The following PCCA variants were observed in gnomAD, a reference collection of about 807,000 sequenced individuals.
PCCA encodes the protein propionyl-CoA carboxylase subunit alpha.
PCCA carries 74 observed loss-of-function variants against 101.3 expected under a neutral mutation model. The ratio of observed to expected loss-of-function variants is 0.73; its 90% CI spans 0.61 to 0.89. The LOEUF is 0.89. PCCA is among the 40% of genes least tolerant of loss of function. PCCA has a pLI of 0.00. For synonymous variants in PCCA, 294 were observed against 313.6 expected, an observed-to-expected ratio of 0.94 and a Z score of 0.66; for missense variants, 891 against 907.0, an observed-to-expected ratio of 0.98 and a Z score of 0.23.
intron 8 of PCCA, among the ~76,000 whole-genome samples, chr13:100,244,477 C>T (rs1566784045): frequency 6.6e-6 from 1 of 152,142 alleles, no homozygotes; most frequent in Non-Finnish European, 1.5e-5. Flanking sequence ...CTCAGTCCTT[C>T]ATCTTCTTTC....
chr13:100,360,842 C>T (rs1211321626), intron 18 of PCCA, among the ~76,000 whole-genome samples: 1 of 152,148 alleles, frequency 6.6e-6, no homozygotes, highest in Non-Finnish European at 1.5e-5. Flanking sequence ...TAGGCACACA[C>T]TAAAACCTGC....
chr13:100,365,392 G>C lies in PCCA; in HGVS notation c.1644-3080G>C, dbSNP rs143150700. On this transcript the variant is annotated intron_variant, in intron 18 of 23. Coordinates refer to ENST00000376285, the MANE Select transcript of PCCA (RefSeq NM_000282.4). ...ACTGTATCTCATCACCATCTATAAG[G>C]TCCCTTTCTGTGGGAAAATGGGTTC... Among the ~76,000 whole-genome samples, 7 of 152,248 alleles carry C rather than the reference G, an allele frequency of 4.6e-5. No homozygotes were observed. The East Asian group carries it at 1.4e-3, about 29-fold the overall frequency.
intron 6 of PCCA, among the ~76,000 whole-genome samples, chr13:100,206,924 A>G (rs1227943384): frequency 6.6e-6 from 1 of 152,158 alleles, no homozygotes; most frequent in Admixed American, 6.5e-5. Context: ...CCCCCAGTTT[A>G]TGATACTTAC....
chr13:100,200,862 A>G (rs1566691425), intron 6 of PCCA, among the ~76,000 whole-genome samples: 3 of 152,100 alleles, frequency 2.0e-5, no homozygotes, highest in Non-Finnish European at 4.4e-5. Flanking sequence ...AGACAAAACA[A>G]CTCCTGTGTT....
At position 100,386,382 on chromosome 13, in the gene PCCA, C is replaced by CT. The variant is rs200143037; in HGVS notation, c.1746+17817dup. On this transcript the variant is annotated intron_variant, in intron 19 of 23. Transcript: ENST00000376285. ...GAGAGTGTCTTCTATGTGCTGCTTT[C>CT]TTTTTTTTTAAGACGGAATCTCGCT... is the stretch of plus-strand genomic sequence containing the variant. Among the ~76,000 whole-genome samples the CT allele has an allele frequency of 3.9e-3, 597 of 151,336 alleles. 9 individuals are homozygous for CT. The highest frequency in any genetic ancestry group is 0.032 in the South Asian group (154 of 4,780).
At chr13:100,209,559 TAC>T (rs34598548) in intron 7 of PCCA, 96 bp downstream of exon 7, 18,415 of 737,360 alleles carry the variant, frequency 0.025, 12 homozygotes, top group Non-Finnish European at 0.031. Context: ...TTTTGGGATA[TAC>T]ACACACACAC....
chr13:100,309,745 T>A (rs181511046), intron 15 of PCCA, 88 bp from the exon 16 acceptor site: 2 of 843,638 alleles, frequency 2.4e-6, no homozygotes, highest in East Asian at 2.7e-5. Flanking sequence ...AAATCTGTTA[T>A]GAAATATTTT....
rs1566516768 is a variant in PCCA, at chr13:100,527,426, GCCAGGGTCCCCACTTCT to G, written c.2041-240_2041-224del. ...AGAGATCCCCAGGGTAGGCCCCGCC[GCCAGGGTCCCCACTTCT>G]CCAGGGTCAGGGATTTTTTTTTTTT... On this transcript the variant is annotated intron_variant, in intron 22 of 23. Transcript: ENST00000376285. The G allele has an allele frequency of 9.0e-6, 5 of 553,312 alleles. No individual in the cohort carries two copies. The East Asian group carries it at 2.0e-4, about 22-fold the overall frequency. 34.3% of individuals were successfully genotyped at this position (553,312 alleles called of 1,614,324 possible).
chr13:100,524,407 G>GTGTGTGTGTGTC (rs2087567028), intron 22 of PCCA, among the ~76,000 whole-genome samples: 1 of 151,620 alleles, frequency 6.6e-6, no homozygotes, highest in Non-Finnish European at 1.5e-5. Flanking sequence ...GTGTGTGTGT[G>GTGTGTGTGTGTC]TGTGTTGGGG....
intron 21 of PCCA, among the ~76,000 whole-genome samples, chr13:100,499,471 C>T (rs1366085301): frequency 2.0e-5 from 3 of 152,228 alleles, no homozygotes; most frequent in South Asian, 4.1e-4. Flanking sequence ...CCTTCTAGCC[C>T]ACATGGCTCT....
chr13:100,290,083 C>G (rs1168267478), intron 12 of PCCA, among the ~76,000 whole-genome samples: 2 of 152,192 alleles, frequency 1.3e-5, no homozygotes, highest in Admixed American at 6.5e-5. Context: ...TCTTGTCTTT[C>G]AGGAGCATAT....
chr13:100,388,473 A>G (rs1398328236), intron 19 of PCCA, among the ~76,000 whole-genome samples: 1 of 152,166 alleles, frequency 6.6e-6, no homozygotes, highest in Non-Finnish European at 1.5e-5. Context: ...CAAAACAAAC[A>G]AACAAAAAAT....
At chr13:100,428,172 T>C (rs548948014) in intron 20 of PCCA, among the ~76,000 whole-genome samples, 1 of 152,116 alleles carries the variant, frequency 6.6e-6, no homozygotes, top group East Asian at 1.9e-4. Context: ...GCTCCAGCGA[T>C]CCTCCCACCT....
chr13:100,105,294 A>G (rs1357441317), intron 2 of PCCA, among the ~76,000 whole-genome samples: 5 of 152,192 alleles, frequency 3.3e-5, no homozygotes, highest in Non-Finnish European at 7.3e-5. Context: ...ACTCCCTGTT[A>G]TGAAAGCTGT....
chr13:100,458,568 A>G (rs1402030376), intron 21 of PCCA, among the ~76,000 whole-genome samples: 1 of 152,060 alleles, frequency 6.6e-6, no homozygotes, highest in South Asian at 2.1e-4. Context: ...CCAAGAGTTC[A>G]AGGCTATAGT....
chr13:100,158,567 AT>A (rs1184922077), intron 6 of PCCA, among the ~76,000 whole-genome samples: 1 of 151,974 alleles, frequency 6.6e-6, no homozygotes, highest in Non-Finnish European at 1.5e-5. Flanking sequence ...ATCCCTTTTT[AT>A]TTTTTATCTT....
In PCCA at chr13:100,234,697, C is replaced by A. The variant is rs533375671; in HGVS notation, c.601-1145C>A. Among the ~76,000 whole-genome samples, 69 of 151,352 alleles carry A rather than the reference C, an allele frequency of 4.6e-4. 1 individual carries two copies. Among genetic ancestry groups the A allele is most frequent in the Non-Finnish European group, 4.3e-4 (29 of 67,816 alleles). ...AGTGAACCAGTTATAAACATCCCCC[C>A]CCGCCCCCTTCTCGGAGGATTCTGA... On this transcript the variant is annotated intron_variant, in intron 7 of 23. Transcript: ENST00000376285.
intron 7 of PCCA, among the ~76,000 whole-genome samples, chr13:100,233,645 A>G (rs929688482): frequency 6.6e-6 from 1 of 152,166 alleles, no homozygotes; most frequent in Non-Finnish European, 1.5e-5. Context: ...TTATTATTGA[A>G]ACAGTAATAG....
chr13:100,238,086 A>G (rs932786687), intron 8 of PCCA, among the ~76,000 whole-genome samples: 1 of 151,634 alleles, frequency 6.6e-6, no homozygotes, highest in Non-Finnish European at 1.5e-5. Flanking sequence ...TTGCAGGCAC[A>G]CACCACAATG....
Sources: gnomAD v4.1 joint callset for allele counts (sites outside exome capture counted in the v4.1 genomes callset) on GRCh38, gnomAD v4.1.1 for gene constraint, MANE v1.5 for transcripts, NCBI Gene and HGNC (gene_info 2026-07-23, HGNC 2026-07-21) for gene names.